The following TRIM66 variants were observed in gnomAD, a reference collection of about 807,000 sequenced individuals.
TRIM66 encodes tripartite motif-containing protein 66.
TRIM66 carries 99 observed loss-of-function variants against 148.2 expected under a neutral mutation model. That is an observed-to-expected ratio of 0.67 (90% CI 0.57 to 0.79). TRIM66 has a LOEUF of 0.79. TRIM66 is among the 30% of genes least tolerant of loss of function. The pLI is 0.00. For missense variants in TRIM66, 1,666 were observed against 1,697.9 expected, an observed-to-expected ratio of 0.98 and a Z score of 0.33; for synonymous variants, 616 against 635.9, an observed-to-expected ratio of 0.97 and a Z score of 0.47.
At chr11:8,658,537 G>A (rs112096207) in intron 6 of TRIM66, among the ~76,000 whole-genome samples, 5,058 of 152,254 alleles carry the variant, frequency 0.033, 131 homozygotes, top group Non-Finnish European at 0.05. Context: ...AGTGTTGGTG[G>A]TGAAGTGAGT....
chr11:8,630,044 G>C (rs1308037093), intron 15 of TRIM66, among the ~76,000 whole-genome samples: 1 of 152,044 alleles, frequency 6.6e-6, no homozygotes, highest in East Asian at 1.9e-4. Flanking sequence ...TAAAACAAAA[G>C]GTACTTATTT....
chr11:8,621,835 C>A lies in TRIM66; in HGVS notation c.3081-16G>T. Reference sequence around the variant, plus strand: ...ATTGAAGGCTCTGCAGCAAGACAGACACCCCGGGGTCTTGGTGGGATCCTC... The same window carrying A: ...ATTGAAGGCTCTGCAGCAAGACAGAAACCCCGGGGTCTTGGTGGGATCCTC... On this transcript the variant is annotated splice_polypyrimidine_tract_variant and intron_variant, in intron 18 of 24. Transcript: ENST00000646038. The A allele has an allele frequency of 6.5e-7, 1 of 1,528,620 alleles. No individual in the cohort carries two copies. Among genetic ancestry groups the A allele is most frequent in the African/African-American group, 1.4e-5 (1 of 72,300 alleles). 94.7% of individuals were successfully genotyped at this position (1,528,620 alleles called of 1,614,324 possible).
chr11:8,645,492 C>T (rs373682269), intron 12 of TRIM66, among the ~76,000 whole-genome samples: 15 of 152,292 alleles, frequency 9.8e-5, no homozygotes, highest in African/African-American at 3.4e-4. Context: ...ACTGAGCTAC[C>T]TTTGGGAGGG....
intron 20 of TRIM66, 54 bp downstream of exon 20, chr11:8,620,978 C>T (rs2034154082): frequency 6.6e-7 from 1 of 1,517,552 alleles, no homozygotes; most frequent in African/African-American, 1.4e-5. Flanking sequence ...GAATAATCAT[C>T]CCTGGAAGGT....
At chr11:8,646,380 C>T (rs1316183251) in intron 11 of TRIM66, 67 bp downstream of exon 11, 2 of 1,326,042 alleles carry the variant, frequency 1.5e-6, no homozygotes, top group Admixed American at 2.0e-5. Flanking sequence ...TTCCCTAGGT[C>T]CTGGGACTAG....
intron 15 of TRIM66, among the ~76,000 whole-genome samples, chr11:8,635,228 G>C (rs1389211283): frequency 1.3e-5 from 2 of 152,162 alleles, no homozygotes; most frequent in Non-Finnish European, 2.9e-5. Flanking sequence ...TCTTAGGTGG[G>C]TCACTTAACC....
intron 14 of TRIM66, 65 bp from the exon 15 acceptor site, chr11:8,638,880 C>A: frequency 1.3e-6 from 2 of 1,504,418 alleles, no homozygotes; most frequent in South Asian, 2.5e-5. Flanking sequence ...GCAGCAGTGG[C>A]AGCAAAGGCT....
rs150760704 is a variant in TRIM66, at chr11:8,648,376, A to G, written c.725+40T>C. 703 of 1,545,078 alleles carry G rather than the reference A, an allele frequency of 4.5e-4. 1 individual carries two copies. In the African/African-American group the frequency reaches 8.3e-3, roughly 18 times the overall value. ...GAGCTCTCACAAGTAAGAAATCCAG[A>G]GCCCTCCCCAGCCCATTTCAGGCAG... On this transcript the variant is annotated intron_variant, in intron 9 of 24. Coordinates refer to ENST00000646038, the MANE Select transcript of TRIM66 (RefSeq NM_001388022.1).
At chr11:8,680,531 G>C (rs773543329) in intron 1 of TRIM66, 2 of 152,192 alleles carry the variant, frequency 1.3e-5, no homozygotes, top group Admixed American at 6.5e-5. Flanking sequence ...CAGTGTAGTA[G>C]AAGAAGAGAA....
intron 15 of TRIM66, among the ~76,000 whole-genome samples, chr11:8,629,766 C>T (rs1333913371): frequency 6.6e-6 from 1 of 152,208 alleles, no homozygotes; most frequent in African/African-American, 2.4e-5. Flanking sequence ...ATATTGCATA[C>T]TTGACTGATT....
intron 20 of TRIM66, 115 bp downstream of exon 20, chr11:8,620,917 G>T: frequency 7.3e-7 from 1 of 1,361,044 alleles, no homozygotes; most frequent in Non-Finnish European, 9.8e-7. Flanking sequence ...ATTCAAGCAG[G>T]TCCAGAAGAG....
At position 8,622,874 on chromosome 11, in the gene TRIM66, A is replaced by G. The variant is rs2034436168; in HGVS notation, c.3022T>C (p.Cys1008Arg). Reference sequence around the variant, plus strand: ...AGGGCTCCTTGTTCAAAATTCTCACACTCTAAGGCAAAAGACAAACAAATA... The same window carrying G: ...AGGGCTCCTTGTTCAAAATTCTCACGCTCTAAGGCAAAAGACAAACAAATA... ...ALQQYQNPKE[C>R]ENFEQGALEL... The change falls in exon 18 of 25, where the codon TGT becomes CGT. Residue 1008 changes from cysteine to arginine, a missense_variant and splice_region_variant. Coordinates refer to ENST00000646038, the MANE Select transcript of TRIM66 (RefSeq NM_001388022.1). The G allele has an allele frequency of 6.4e-7, 1 of 1,551,756 alleles. No individual in the cohort carries two copies. Among genetic ancestry groups the G allele is most frequent in the Non-Finnish European group, 8.7e-7 (1 of 1,146,996 alleles).
chr11:8,618,414 T>C (rs1465979698), intron 24 of TRIM66, among the ~76,000 whole-genome samples: 1 of 152,210 alleles, frequency 6.6e-6, no homozygotes, highest in African/African-American at 2.4e-5. Context: ...GACCAGGTAA[T>C]TCCCTTCTTA....
At position 8,622,882 on chromosome 11, in the gene TRIM66, G is replaced by A. The variant is rs929783405; in HGVS notation, c.3020-6C>T. On this transcript the variant is annotated splice_region_variant and splice_polypyrimidine_tract_variant and intron_variant, in intron 17 of 24. Coordinates refer to ENST00000646038, the MANE Select transcript of TRIM66 (RefSeq NM_001388022.1). ...TTGTTCAAAATTCTCACACTCTAAG[G>A]CAAAAGACAAACAAATACCTGTGAC... 6.4e-7 allele frequency: 1 copy of A among 1,551,552 alleles called. No homozygotes were observed. Among genetic ancestry groups the A allele is most frequent in the African/African-American group, 1.4e-5 (1 of 72,978 alleles).
intron 23 of TRIM66, 102 bp from the exon 24 acceptor site, chr11:8,619,070 C>T (rs186381178): frequency 6.4e-5 from 69 of 1,073,890 alleles, no homozygotes; most frequent in Admixed American, 3.9e-4. Flanking sequence ...AGCGGGGTGT[C>T]CTGAGGTGTC....
intron 7 of TRIM66, among the ~76,000 whole-genome samples, chr11:8,650,636 C>G (rs751196066): frequency 2.0e-5 from 3 of 152,102 alleles, no homozygotes; most frequent in Non-Finnish European, 2.9e-5. Context: ...CAGGATGGTA[C>G]ACATTAACTG....
Position 8,641,112 on chromosome 11 carries a change from A to T in TRIM66, c.1263T>A (p.Asp421Glu). Residue 421 changes from aspartate to glutamate, a missense_variant, in exon 14 of 25, where the codon GAT becomes GAA. Coordinates refer to ENST00000646038, the MANE Select transcript of TRIM66 (RefSeq NM_001388022.1). Reference protein sequence around the residue: ...TTEGGQMSRADAPAYGGLQGS... With the variant: ...TTEGGQMSRAEAPAYGGLQGS... ...CCTGTAAGCCTCCATAAGCAGGAGC[A>T]TCTGCCCTGGACATTTGTCCACCTT... The T allele has an allele frequency of 6.4e-7, 1 of 1,551,726 alleles. No individual in the cohort carries two copies. Among genetic ancestry groups the T allele is most frequent in the Non-Finnish European group, 8.7e-7 (1 of 1,146,966 alleles).
intron 9 of TRIM66, 82 bp downstream of exon 9, chr11:8,648,334 A>G: frequency 6.6e-7 from 1 of 1,509,572 alleles, no homozygotes; most frequent in South Asian, 1.3e-5. Context: ...GAAGATTCTG[A>G]TGCACGGGGA....
Position 8,624,843 on chromosome 11 carries a change from G to C in TRIM66, c.2696C>G (p.Pro899Arg). Reference sequence around the variant, plus strand: ...AGAAACTGGAGGGATGCTCTGCAGAGGACAAGTTGCCAGACTCGGCACAGC... The same window carrying C: ...AGAAACTGGAGGGATGCTCTGCAGACGACAAGTTGCCAGACTCGGCACAGC... ...TQAVPSLATC[P>R]LQSIPPVSDM... is the part of the protein sequence containing the mutation. The change falls in exon 16 of 25, where the codon CCT becomes CGT. Residue 899 changes from proline to arginine, a missense_variant. By Grantham distance (103) the Pro-to-Arg change is moderately radical (BLOSUM62 -2). This residue lies in a region of TRIM66 where 1,431 missense variants were observed against 1,412.4 expected (regional missense o/e 1.01). Transcript: ENST00000646038. 6.4e-7 allele frequency: 1 copy of C among 1,551,756 alleles called. No individual in the cohort carries two copies. Among genetic ancestry groups the C allele is most frequent in the Non-Finnish European group, 8.7e-7 (1 of 1,147,004 alleles).
Sources: gnomAD v4.1 joint callset for allele counts (sites outside exome capture counted in the v4.1 genomes callset) on GRCh38, gnomAD v4.1.1 for gene constraint, gnomAD v4.1.1 regional missense constraint, MANE v1.5 for transcripts, NCBI Gene and HGNC (gene_info 2026-07-23, HGNC 2026-07-21) for gene names.